Variants in THSD7B observed in about 807,000 individuals in gnomAD.
THSD7B encodes thrombospondin type-1 domain-containing protein 7B.
Under a neutral mutation model 213.6 loss-of-function variants are expected in THSD7B, and 138 were observed. The ratio of observed to expected loss-of-function variants is 0.65; its 90% CI spans 0.56 to 0.74. THSD7B has a LOEUF of 0.74. Ranked by LOEUF, THSD7B falls within the 30% of genes least tolerant of loss-of-function variation. The pLI is 0.00. For missense variants in THSD7B, 1,931 were observed against 1,991.5 expected (o/e 0.97, Z 0.58); for synonymous variants, 742 against 687.0 (o/e 1.08, Z -1.25).
At chr2:136,769,579 C>T (rs1175842371) in intron 1 of THSD7B, among the ~76,000 whole-genome samples, 3 of 150,002 alleles carry the variant, frequency 2.0e-5, no homozygotes, top group Non-Finnish European at 4.4e-5. Flanking sequence ...CATCTGGCAT[C>T]TATAAGAACT....
At chr2:137,512,863 A>C (rs535428466) in intron 15 of THSD7B, among the ~76,000 whole-genome samples, 1 of 152,266 alleles carries the variant, frequency 6.6e-6, no homozygotes, top group African/African-American at 2.4e-5. Flanking sequence ...CTCACTTTCC[A>C]GAAGAGTAAA....
At chr2:137,223,089 C>T (rs1681407485) in intron 7 of THSD7B, among the ~76,000 whole-genome samples, 1 of 152,130 alleles carries the variant, frequency 6.6e-6, no homozygotes, top group Non-Finnish European at 1.5e-5. Flanking sequence ...ACCAGGTCTT[C>T]CCAGGCCTGT....
At chr2:136,972,697 G>C (rs548656267) in intron 2 of THSD7B, among the ~76,000 whole-genome samples, 2 of 152,172 alleles carry the variant, frequency 1.3e-5, no homozygotes, top group South Asian at 4.2e-4. Flanking sequence ...AAATAAACTA[G>C]GGTTTAAGAC....
intron 2 of THSD7B, among the ~76,000 whole-genome samples, chr2:136,982,719 T>C (rs1558876026): frequency 6.6e-6 from 1 of 152,208 alleles, no homozygotes; most frequent in Non-Finnish European, 1.5e-5. Flanking sequence ...AAAACAACTC[T>C]AAGATACTTT....
At chr2:136,949,667 C>G (rs957742107) in intron 2 of THSD7B, among the ~76,000 whole-genome samples, 1 of 152,148 alleles carries the variant, frequency 6.6e-6, no homozygotes, top group Non-Finnish European at 1.5e-5. Flanking sequence ...ATGTTAGAAT[C>G]GCCAGTGAGA....
chr2:137,498,280 G>A (rs748305357), intron 15 of THSD7B, among the ~76,000 whole-genome samples: 4 of 151,702 alleles, frequency 2.6e-5, no homozygotes, highest in Non-Finnish European at 4.4e-5. Context: ...AATAAAAGAT[G>A]AATTAAGACT....
rs565919308 is a variant in THSD7B at position 137,463,104 on chromosome 2, T to G, written c.3138+12081T>G. Among the ~76,000 whole-genome samples the G allele has an allele frequency of 6.4e-4, 98 of 152,246 alleles. 1 individual carries two copies. Among genetic ancestry groups the G allele is most frequent in the African/African-American group, 2.3e-3 (95 of 41,568 alleles). The stretch of plus-strand genomic sequence containing the variant: ...TGAGCTTGCTCTATTTCCTTTTTCT[T>G]GGAACTGTTCATCACATTCCTTCTA... On this transcript the variant is annotated intron_variant, in intron 15 of 27. Transcript: ENST00000409968.
chr2:137,177,864 A>G (rs961260650), intron 7 of THSD7B, among the ~76,000 whole-genome samples: 1 of 152,086 alleles, frequency 6.6e-6, no homozygotes, highest in Non-Finnish European at 1.5e-5. Context: ...TGAGGTCAGG[A>G]GATTGAGACC....
chr2:137,196,288 T>G (rs1264590477), intron 7 of THSD7B, among the ~76,000 whole-genome samples: 1 of 152,028 alleles, frequency 6.6e-6, no homozygotes, highest in Non-Finnish European at 1.5e-5. Flanking sequence ...TTCAGCTGCT[T>G]CTGATGTTTC....
At chr2:137,228,926 T>C (rs1180972105) in intron 7 of THSD7B, among the ~76,000 whole-genome samples, 2 of 152,202 alleles carry the variant, frequency 1.3e-5, no homozygotes, top group Non-Finnish European at 2.9e-5. Flanking sequence ...AATTTCATAG[T>C]TCTTTAATGT....
At chr2:137,627,075 G>A (rs149614349) in intron 20 of THSD7B, among the ~76,000 whole-genome samples, 19 of 152,276 alleles carry the variant, frequency 1.2e-4, no homozygotes, top group South Asian at 6.2e-4. Context: ...GACAGAAAGC[G>A]GAAGGGGAGC....
chr2:137,499,710 G>A lies in THSD7B; in HGVS notation c.3138+48687G>A, dbSNP rs1013355938. 3.9e-5 allele frequency among the ~76,000 whole-genome samples: 6 copies of A among 152,150 alleles called. 1 individual carries two copies. The South Asian group carries it at 6.2e-4, about 16-fold the overall frequency. ...TACTGAAGCTCCTTCAATTGGCTTCGTGAACAGAGCTATCAACAATGGGGA... is the reference window on the plus strand; with the variant it reads ...TACTGAAGCTCCTTCAATTGGCTTCATGAACAGAGCTATCAACAATGGGGA... On this transcript the variant is annotated intron_variant, in intron 15 of 27. Transcript: ENST00000409968.
At chr2:137,664,500 G>C (rs114490022) in intron 26 of THSD7B, among the ~76,000 whole-genome samples, 1 of 152,062 alleles carries the variant, frequency 6.6e-6, no homozygotes, top group Non-Finnish European at 1.5e-5. Flanking sequence ...CTCAGTAATC[G>C]ACTCTTACTA....
intron 17 of THSD7B, among the ~76,000 whole-genome samples, chr2:137,593,975 T>C (rs1035394595): frequency 2.6e-5 from 4 of 152,106 alleles, no homozygotes; most frequent in African/African-American, 9.6e-5. Context: ...ATATTTTAGG[T>C]TGAGTCCTTT....
chr2:137,056,508 T>C lies in THSD7B; in HGVS notation c.228T>C (p.Ser76=). Residue 76 remains serine (S), a synonymous_variant, in exon 3 of 28, where the codon AGT becomes AGC. Transcript: ENST00000409968. ...GTTTTCATGTTGACGGGTGGACAAGTCACCTGTCTAACTGTGGTGAGAGCA... is the reference window on the plus strand; with the variant it reads ...GTTTTCATGTTGACGGGTGGACAAGCCACCTGTCTAACTGTGGTGAGAGCA... The part of the protein sequence containing the change: ...VWCFHVDGWT[S]HLSNCGESNR... The C allele has an allele frequency of 1.9e-6, 3 of 1,613,902 alleles. No individual in the cohort carries two copies. The highest frequency in any genetic ancestry group is 2.5e-6 in the Non-Finnish European group (3 of 1,179,872).
chr2:137,096,192 A>G (rs1688035878), intron 4 of THSD7B, among the ~76,000 whole-genome samples: 1 of 152,226 alleles, frequency 6.6e-6, no homozygotes, highest in African/African-American at 2.4e-5. Flanking sequence ...TTAAATCTGT[A>G]GCTATTCAAG....
At chr2:136,849,374 T>C (rs1399816014) in intron 1 of THSD7B, among the ~76,000 whole-genome samples, 1 of 152,180 alleles carries the variant, frequency 6.6e-6, no homozygotes, top group East Asian at 1.9e-4. Context: ...GGAAGGAGTA[T>C]TTGAACGCTA....
At chr2:136,907,133 C>A (rs953112680) in intron 2 of THSD7B, among the ~76,000 whole-genome samples, 1 of 151,436 alleles carries the variant, frequency 6.6e-6, no homozygotes, top group Non-Finnish European at 1.5e-5. Flanking sequence ...TTAGTAGAAA[C>A]GGGATTTCGC....
intron 2 of THSD7B, among the ~76,000 whole-genome samples, chr2:137,015,968 T>C (rs1244731701): frequency 6.6e-6 from 1 of 152,180 alleles, no homozygotes; most frequent in African/African-American, 2.4e-5. Context: ...TCTTCTCTTC[T>C]AGGACAGCAG....
Sources: gnomAD v4.1 joint callset for allele counts (sites outside exome capture counted in the v4.1 genomes callset) on GRCh38, gnomAD v4.1.1 for gene constraint, MANE v1.5 for transcripts, NCBI Gene and HGNC (gene_info 2026-07-23, HGNC 2026-07-21) for gene names.